RBFOX1: variants seen among roughly 807,000 people sequenced by gnomAD.
RBFOX1 encodes the protein RNA binding fox-1 homolog 1, also known as RNA binding protein fox-1 homolog 1.
RBFOX1 carries 8 observed loss-of-function variants against 57.7 expected under a neutral mutation model. The observed-to-expected ratio is 0.14, with a 90% CI of 0.08 to 0.25. RBFOX1 has a LOEUF of 0.25. Among genes scored for constraint, RBFOX1 ranks in the 10% least tolerant of loss-of-function variants. RBFOX1 has a pLI of 1.00. For synonymous variants in RBFOX1, 326 were observed against 222.4 expected (o/e 1.47, Z -4.15); for missense variants, 611 against 548.5 (o/e 1.11, Z -1.14).
chr16:7,247,195 C>A (rs2152999108), intron 4 of RBFOX1, among the ~76,000 whole-genome samples: 1 of 152,228 alleles, frequency 6.6e-6, no homozygotes, highest in Non-Finnish European at 1.5e-5. Context: ...AGTAGCTAGT[C>A]AGAAATGTTC....
chr16:6,663,196 A>G (rs75296042), intron 3 of RBFOX1, among the ~76,000 whole-genome samples: 96 of 152,300 alleles, frequency 6.3e-4, no homozygotes, highest in African/African-American at 2.1e-3. Context: ...AAGAGACTGG[A>G]TAAGTCCTAT....
chr16:6,086,461 G>A (rs994323353), intron 1 of RBFOX1, among the ~76,000 whole-genome samples: 5 of 151,846 alleles, frequency 3.3e-5, no homozygotes, highest in Admixed American at 2.6e-4. Context: ...AGCACTGTCT[G>A]AGAGTTCCTG....
At chr16:6,765,037 C>A (rs1006041923) in intron 3 of RBFOX1, among the ~76,000 whole-genome samples, 19 of 151,724 alleles carry the variant, frequency 1.3e-4, no homozygotes, top group Admixed American at 6.6e-5. Flanking sequence ...AAAAAAAATT[C>A]ATGGTGACAT....
chr16:6,690,103 TG>T (rs1476654713), intron 3 of RBFOX1, among the ~76,000 whole-genome samples: 1 of 152,136 alleles, frequency 6.6e-6, no homozygotes, highest in Non-Finnish European at 1.5e-5. Flanking sequence ...TATCCGTGAG[TG>T]AAATAAAAAT....
chr16:6,012,375 T>C (rs1197214299), intron 4 of RBFOX1, among the ~76,000 whole-genome samples: 1 of 152,200 alleles, frequency 6.6e-6, no homozygotes, highest in Non-Finnish European at 1.5e-5. Context: ...ACTATCGCCA[T>C]GTTGGTGAGG....
intron 3 of RBFOX1, among the ~76,000 whole-genome samples, chr16:6,991,281 T>C (rs2091404145): frequency 6.6e-6 from 1 of 151,870 alleles, no homozygotes; most frequent in Admixed American, 6.6e-5. Flanking sequence ...GCCTGGGCAG[T>C]AGAGTGAGAC....
chr16:5,504,136 C>G (rs74004346), intron 2 of RBFOX1, among the ~76,000 whole-genome samples: 17,536 of 152,240 alleles, frequency 0.12, 2,898 homozygotes, highest in African/African-American at 0.37. Flanking sequence ...GCTCACAGCA[C>G]AAGCAGCTTG....
intron 10 of RBFOX1, among the ~76,000 whole-genome samples, chr16:7,628,800 A>G (rs778857702): frequency 6.6e-6 from 1 of 152,064 alleles, no homozygotes; most frequent in Non-Finnish European, 1.5e-5. Flanking sequence ...TTTAGTAGAG[A>G]CAGGATTTCA....
At chr16:6,597,104 T>A (rs2154000347) in intron 2 of RBFOX1, among the ~76,000 whole-genome samples, 1 of 152,286 alleles carries the variant, frequency 6.6e-6, no homozygotes, top group East Asian at 1.9e-4. Context: ...TGTTCTGTTC[T>A]TTTTCTGGAG....
chr16:7,090,330 C>G (rs7205995), intron 4 of RBFOX1, among the ~76,000 whole-genome samples: 4,447 of 152,224 alleles, frequency 0.029, 135 homozygotes, highest in African/African-American at 0.075. Flanking sequence ...CACACGATTT[C>G]AGTATGTTTT....
intron 4 of RBFOX1, among the ~76,000 whole-genome samples, chr16:7,495,323 G>T (rs1172490938): frequency 6.6e-6 from 1 of 152,028 alleles, no homozygotes; most frequent in Non-Finnish European, 1.5e-5. Flanking sequence ...TTTTCCTTTG[G>T]GTATTTCCCC....
chr16:6,510,519 T>A (rs2096232969), intron 2 of RBFOX1, among the ~76,000 whole-genome samples: 1 of 152,182 alleles, frequency 6.6e-6, no homozygotes, highest in South Asian at 2.1e-4. Flanking sequence ...AACACATTAT[T>A]ATCATTCATT....
At chr16:6,711,214 T>C (rs1288554521) in intron 3 of RBFOX1, among the ~76,000 whole-genome samples, 1 of 152,226 alleles carries the variant, frequency 6.6e-6, no homozygotes, top group Non-Finnish European at 1.5e-5. Context: ...TTCTGTCTTT[T>C]CTTGCCTGGA....
chr16:6,453,981 G>T (rs539675975), intron 2 of RBFOX1, among the ~76,000 whole-genome samples: 1 of 152,322 alleles, frequency 6.6e-6, no homozygotes, highest in East Asian at 1.9e-4. Context: ...CGTTGGCATG[G>T]TTGGTTTGTT....
chr16:7,363,555 G>T (rs1222160366), intron 4 of RBFOX1, among the ~76,000 whole-genome samples: 1 of 152,044 alleles, frequency 6.6e-6, no homozygotes, highest in Non-Finnish European at 1.5e-5. Context: ...AAAGTGCCTG[G>T]CATAAAATGG....
At chr16:6,700,173 G>T (rs9888884) in intron 3 of RBFOX1, among the ~76,000 whole-genome samples, 1 of 134,396 alleles carries the variant, frequency 7.4e-6, no homozygotes, top group Admixed American at 7.2e-5. Flanking sequence ...AGCCAGAGTC[G>T]GGGGACTTAC....
At chr16:6,210,329 C>CAAAA (rs1323182069) in intron 1 of RBFOX1, among the ~76,000 whole-genome samples, 2 of 16,386 alleles carry the variant, frequency 1.2e-4, no homozygotes, top group African/African-American at 2.2e-4. Context: ...AAAAAAAAAA[C>CAAAA]AAAAAAACAA....
chr16:5,706,031 C>T (rs1211502390), intron 3 of RBFOX1, among the ~76,000 whole-genome samples: 1 of 152,182 alleles, frequency 6.6e-6, no homozygotes, highest in Non-Finnish European at 1.5e-5. Context: ...TTGCGTCTGC[C>T]TCCTGAGGAG....
chr16:6,796,723 G>A (rs375902175), intron 3 of RBFOX1, among the ~76,000 whole-genome samples: 2 of 151,884 alleles, frequency 1.3e-5, no homozygotes, highest in African/African-American at 4.8e-5. Flanking sequence ...TTCTCTCCTG[G>A]GTACACATTT....
Sources: gnomAD v4.1 joint callset for allele counts (sites outside exome capture counted in the v4.1 genomes callset) on GRCh38, gnomAD v4.1.1 for gene constraint, MANE v1.5 for transcripts, NCBI Gene and HGNC (gene_info 2026-07-23, HGNC 2026-07-21) for gene names.